Variants in PRELID2 observed in about 807,000 individuals in gnomAD.
The protein encoded by PRELID2 is PRELI domain containing 2.
A neutral mutation model predicts 28.4 loss-of-function variants in PRELID2; 25 were observed. That is an observed-to-expected ratio of 0.88 (90% confidence interval 0.64 to 1.23). The LOEUF is 1.23. PRELID2 is among the 50% of genes most tolerant of loss of function. PRELID2 has a pLI of 0.00. For synonymous variants in PRELID2, 76 were observed against 71.6 expected (o/e 1.06, Z -0.31); for missense variants, 201 against 214.4 (o/e 0.94, Z 0.39).
intron 1 of PRELID2, among the ~76,000 whole-genome samples, chr5:145,605,424 T>C (rs1329753817): frequency 6.6e-6 from 1 of 152,180 alleles, no homozygotes; most frequent in African/African-American, 2.4e-5. Context: ...ATTTATTAAA[T>C]AAGGAGTTGT....
At chr5:145,314,848 T>C in the PRELID2 span, among the ~76,000 whole-genome samples, 1 of 151,958 alleles carries the variant, frequency 6.6e-6, no homozygotes, top group South Asian at 2.1e-4. Flanking sequence ...GATAAATTTA[T>C]ATAATTTACT....
the PRELID2 span, among the ~76,000 whole-genome samples, chr5:145,248,658 A>AC: frequency 2.0e-4 from 30 of 152,162 alleles, no homozygotes; most frequent in African/African-American, 7.2e-4. Flanking sequence ...TTAGCTGGGC[A>AC]TGGTGGTGCA....
intron 4 of PRELID2, among the ~76,000 whole-genome samples, chr5:145,798,988 G>T (rs548887841): frequency 5.3e-5 from 8 of 151,216 alleles, no homozygotes; most frequent in African/African-American, 1.9e-4. Context: ...AAACCTGCAC[G>T]TTGTGCACAT....
chr5:145,783,982 T>C (rs1751816138), intron 5 of PRELID2, among the ~76,000 whole-genome samples: 1 of 152,088 alleles, frequency 6.6e-6, no homozygotes. Context: ...GTAGGATATA[T>C]GAAAGGCTTG....
chr5:145,378,497 TTC>T, the PRELID2 span, among the ~76,000 whole-genome samples: 1 of 152,210 alleles, frequency 6.6e-6, no homozygotes, highest in Non-Finnish European at 1.5e-5. Context: ...TCATTCTTTT[TTC>T]TCTATTATTG....
At chr5:145,395,961 G>A in the PRELID2 span, among the ~76,000 whole-genome samples, 2 of 152,096 alleles carry the variant, frequency 1.3e-5, no homozygotes, top group South Asian at 4.2e-4. Context: ...ACTACCTTCT[G>A]GGCTTCAAAG....
chr5:145,291,636 T>C, the PRELID2 span, among the ~76,000 whole-genome samples: 21 of 152,232 alleles, frequency 1.4e-4, no homozygotes, highest in Admixed American at 3.3e-4. Flanking sequence ...CAAATTACCA[T>C]TGTTTTATTT....
the PRELID2 span, among the ~76,000 whole-genome samples, chr5:145,444,352 GC>G: frequency 1.3e-5 from 2 of 151,978 alleles, no homozygotes. Context: ...TCATTCCCAT[GC>G]TTGAAGAGAA....
the PRELID2 span, among the ~76,000 whole-genome samples, chr5:145,460,066 C>T: frequency 6.6e-6 from 1 of 152,162 alleles, no homozygotes; most frequent in Non-Finnish European, 1.5e-5. Flanking sequence ...GCCTCGGCCT[C>T]CCAAAGTGCT....
the PRELID2 span, among the ~76,000 whole-genome samples, chr5:145,307,462 T>C: frequency 2.6e-5 from 4 of 152,176 alleles, no homozygotes; most frequent in Admixed American, 6.5e-5. Context: ...AAATTAAGAA[T>C]ACCACATCAC....
chr5:145,688,812 A>T (rs1341368779), intron 1 of PRELID2, among the ~76,000 whole-genome samples: 2 of 152,346 alleles, frequency 1.3e-5, no homozygotes. Context: ...CTTCTTCTAA[A>T]GGCAATGGGA....
rs1238068461 is a variant in PRELID2, at chr5:145,726,217, A to AAAGGAAGAAAGG, written n.70+38713_70+38714insCCTTTCTTCCTT. Among the ~76,000 whole-genome samples the AAAGGAAGAAAGG allele has an allele frequency of 2.8e-3, 353 of 128,348 alleles. 3 individuals are homozygous for AAAGGAAGAAAGG. Among genetic ancestry groups the AAAGGAAGAAAGG allele is most frequent in the African/African-American group, 0.01 (337 of 32,962 alleles). The allele number at this position is 128,348 out of a possible 152,430, so 84.2% of individuals were successfully genotyped here. ...AGAAAGAAAGAGCGAAAGAGAGAAGAAAGGAAGGAAGGAAGGAAGGAGGGA... is the reference window on the plus strand; with the variant it reads ...AGAAAGAAAGAGCGAAAGAGAGAAGAAAGGAAGAAAGGAAGGAAGGAAGGAAGGAAGGAGGGA... On this transcript the variant is annotated intron_variant and non_coding_transcript_variant, in intron 1 of 2. Transcript: ENST00000510259.
chr5:145,410,807 A>G, the PRELID2 span, among the ~76,000 whole-genome samples: 1 of 152,076 alleles, frequency 6.6e-6, no homozygotes, highest in African/African-American at 2.4e-5. Context: ...CCTTACATTA[A>G]AAAACACAGT....
intron 1 of PRELID2, among the ~76,000 whole-genome samples, chr5:145,703,724 T>TA (rs1411109265): frequency 2.6e-5 from 4 of 152,096 alleles, no homozygotes. Context: ...AAGATATAGT[T>TA]AGAGGGAGAA....
chr5:145,635,720 ACAAG>A (rs752079761), intron 1 of PRELID2, among the ~76,000 whole-genome samples: 4 of 152,216 alleles, frequency 2.6e-5, no homozygotes, highest in Non-Finnish European at 4.4e-5. Context: ...CTGGCTTTCC[ACAAG>A]GTCCTTCGAT....
chr5:145,728,342 C>G (rs1330695627), intron 1 of PRELID2: 1 of 374,360 alleles, frequency 2.7e-6, no homozygotes, highest in East Asian at 5.9e-5. Flanking sequence ...ATCTCTATCT[C>G]TACTTACTTA....
intron 1 of PRELID2, among the ~76,000 whole-genome samples, chr5:145,710,942 G>A (rs1755676945): frequency 6.6e-6 from 1 of 152,238 alleles, no homozygotes; most frequent in African/African-American, 2.4e-5. Flanking sequence ...AAGCACACAG[G>A]GTTCTGTTTC....
the PRELID2 span, among the ~76,000 whole-genome samples, chr5:145,425,701 A>G: frequency 6.6e-6 from 1 of 152,194 alleles, no homozygotes; most frequent in Non-Finnish European, 1.5e-5. Context: ...GGGGAGCTGA[A>G]TGATGAAAAC....
intron 1 of PRELID2, among the ~76,000 whole-genome samples, chr5:145,632,197 C>G (rs889649398): frequency 6.6e-6 from 1 of 152,102 alleles, no homozygotes; most frequent in Non-Finnish European, 1.5e-5. Flanking sequence ...AAACAAGCCT[C>G]GGAGGTCTAT....
Sources: allele counts gnomAD v4.1 joint callset (sites outside exome capture counted in the v4.1 genomes callset), GRCh38; gene constraint gnomAD v4.1.1; transcripts MANE v1.5; gene names NCBI Gene and HGNC (gene_info 2026-07-23, HGNC 2026-07-21).